SIPA1L1: variants seen among roughly 807,000 people sequenced by gnomAD.
SIPA1L1 encodes the protein signal-induced proliferation-associated 1-like protein 1.
Under a neutral mutation model 162.7 loss-of-function variants are expected in SIPA1L1, and 26 were observed. The observed-to-expected ratio is 0.16, with a 90% CI of 0.12 to 0.22. The LOEUF (loss-of-function observed/expected upper bound fraction) is 0.22. SIPA1L1 is among the 10% of genes least tolerant of loss of function. SIPA1L1 has a pLI of 1.00. For missense variants in SIPA1L1, 1,874 were observed against 2,241.0 expected (o/e 0.84, Z 3.31); for synonymous variants, 829 against 837.4 (o/e 0.99, Z 0.17).
intron 7 of SIPA1L1, among the ~76,000 whole-genome samples, chr14:71,644,383 C>T (rs1448357231): frequency 1.3e-5 from 2 of 152,160 alleles, no homozygotes; most frequent in East Asian, 3.9e-4. Flanking sequence ...GGACTGCAAG[C>T]CCATGCCACC....
intron 4 of SIPA1L1, among the ~76,000 whole-genome samples, chr14:71,533,420 A>G (rs1428832116): frequency 6.6e-6 from 1 of 152,172 alleles, no homozygotes; most frequent in East Asian, 1.9e-4. Flanking sequence ...TCTAAAAAGG[A>G]CAAGCAGATT....
At chr14:71,474,734 C>T (rs1045339889) in intron 2 of SIPA1L1, among the ~76,000 whole-genome samples, 5 of 152,188 alleles carry the variant, frequency 3.3e-5, no homozygotes, top group Admixed American at 1.3e-4. Context: ...TTGGTATCTT[C>T]GGGCTTCACA....
chr14:71,357,686 C>T (rs768538138), intron 2 of SIPA1L1, among the ~76,000 whole-genome samples: 4 of 152,162 alleles, frequency 2.6e-5, no homozygotes, highest in African/African-American at 4.8e-5. Context: ...CTCAGCCTGC[C>T]AAGTAGTTGG....
intron 3 of SIPA1L1, among the ~76,000 whole-genome samples, chr14:71,525,936 C>T (rs1452847324): frequency 1.3e-5 from 2 of 152,162 alleles, no homozygotes; most frequent in Admixed American, 6.5e-5. Context: ...CTCTGTATTG[C>T]GTTTACCTCC....
At chr14:71,332,085 T>G (rs905773143) in intron 2 of SIPA1L1, among the ~76,000 whole-genome samples, 6 of 152,352 alleles carry the variant, frequency 3.9e-5, no homozygotes, top group Non-Finnish European at 8.8e-5. Context: ...TGTAGTATGC[T>G]TGTATGTAGT....
At chr14:71,649,285 G>A (rs1004933166) in intron 7 of SIPA1L1, among the ~76,000 whole-genome samples, 11 of 148,646 alleles carry the variant, frequency 7.4e-5, no homozygotes, top group African/African-American at 2.8e-4. Context: ...TCAATCTCCC[G>A]GGCTCAAATG....
intron 5 of SIPA1L1, among the ~76,000 whole-genome samples, chr14:71,596,588 G>A (rs1467675024): frequency 6.6e-6 from 1 of 152,076 alleles, no homozygotes; most frequent in East Asian, 1.9e-4. Context: ...CATTTGTTCA[G>A]TCATTCAAAT....
At chr14:71,658,524 G>A (rs187303574) in intron 9 of SIPA1L1, 88 bp downstream of exon 9, 6 of 850,764 alleles carry the variant, frequency 7.1e-6, no homozygotes, top group Non-Finnish European at 1.2e-5. Flanking sequence ...TCTTAAACCA[G>A]AATTTAGTGT....
intron 6 of SIPA1L1, among the ~76,000 whole-genome samples, chr14:71,619,113 G>A (rs925719283): frequency 2.6e-5 from 4 of 152,110 alleles, no homozygotes; most frequent in African/African-American, 9.7e-5. Context: ...TGAATGAGGA[G>A]TTTTGATTCA....
intron 22 of SIPA1L1, chr14:71,735,668 G>A (rs2085220659): frequency 3.2e-6 from 1 of 317,332 alleles, no homozygotes; most frequent in African/African-American, 2.1e-5. Context: ...GGGCAGGTAG[G>A]AGAGACCATT....
At chr14:71,429,404 A>AT (rs10718594) in intron 2 of SIPA1L1, among the ~76,000 whole-genome samples, 10 of 150,456 alleles carry the variant, frequency 6.6e-5, no homozygotes, top group Admixed American at 6.0e-4. Context: ...AATATCTGTA[A>AT]TTTTTTTTTT....
chr14:71,402,962 A>G (rs895952235), intron 2 of SIPA1L1, among the ~76,000 whole-genome samples: 1 of 152,160 alleles, frequency 6.6e-6, no homozygotes, highest in Non-Finnish European at 1.5e-5. Context: ...CTCCCTCCAC[A>G]TTTGGAATAG....
chr14:71,472,846 C>T (rs1402353693), intron 2 of SIPA1L1, among the ~76,000 whole-genome samples: 1 of 20,476 alleles, frequency 4.9e-5, no homozygotes, highest in South Asian at 2.8e-3. Context: ...TCTATGAAAA[C>T]TTAAAAAAAA....
At chr14:71,453,869 G>A (rs935026375) in intron 2 of SIPA1L1, among the ~76,000 whole-genome samples, 11 of 151,696 alleles carry the variant, frequency 7.3e-5, no homozygotes, top group Admixed American at 3.3e-4. Flanking sequence ...TGGCTCACTC[G>A]TGTAATCCCA....
At position 71,661,012 on chromosome 14, in the gene SIPA1L1, C is replaced by G. The variant is rs139761790; in HGVS notation, c.2098-298C>G. Reference sequence around the variant, plus strand: ...TTTTTCTTATGTGAAAATGGAACAACACTGTTGTTATAGAAACTGAGGGTT... The same window carrying G: ...TTTTTCTTATGTGAAAATGGAACAAGACTGTTGTTATAGAAACTGAGGGTT... On this transcript the variant is annotated intron_variant, in intron 9 of 23. Transcript: ENST00000381232. 1.3e-4 allele frequency among the ~76,000 whole-genome samples: 20 copies of G among 152,316 alleles called. No individual in the cohort carries two copies. In the East Asian group the frequency reaches 3.1e-3, roughly 23 times the overall value.
At chr14:71,580,730 A>T (rs115316610) in intron 4 of SIPA1L1, among the ~76,000 whole-genome samples, 1,724 of 152,314 alleles carry the variant, frequency 0.011, 35 homozygotes, top group African/African-American at 0.04. Context: ...TTAACAAAGT[A>T]TAGTATCTTA....
intron 2 of SIPA1L1, among the ~76,000 whole-genome samples, chr14:71,323,589 A>G (rs2033409759): frequency 6.6e-6 from 1 of 152,072 alleles, no homozygotes; most frequent in Admixed American, 6.5e-5. Flanking sequence ...AGACAAATAG[A>G]CTCATTCCCA....
rs149305492 is a variant in SIPA1L1, at chr14:71,624,224, G to C, written c.1806G>C (p.Leu602=). ...AGGTCACAGAGCAGCTCATGAAACT[G>C]GATGAACAAGGGGTGAGTTTGCCTT... ...TPKVTEQLMK[L]DEQGLNYQQK... Residue 602 remains leucine (L), a synonymous_variant, in exon 7 of 24, where the codon CTG becomes CTC. Coordinates refer to ENST00000381232, the MANE Select transcript of SIPA1L1 (RefSeq NM_001386936.1). 4,286 of 1,610,494 alleles carry C rather than the reference G, an allele frequency of 2.7e-3. 6 individuals carry two copies. The highest frequency in any genetic ancestry group is 3.3e-3 in the Non-Finnish European group (3,933 of 1,177,796).
At chr14:71,567,514 C>CT (rs1441444546) in intron 4 of SIPA1L1, among the ~76,000 whole-genome samples, 3 of 152,144 alleles carry the variant, frequency 2.0e-5, no homozygotes, top group African/African-American at 7.2e-5. Context: ...AAAAGAATGG[C>CT]TACTCCATAG....
Sources: allele counts gnomAD v4.1 joint callset (sites outside exome capture counted in the v4.1 genomes callset), GRCh38; gene constraint gnomAD v4.1.1; transcripts MANE v1.5; gene names NCBI Gene and HGNC (gene_info 2026-07-23, HGNC 2026-07-21).